The following CMIP variants were observed in gnomAD, a reference collection of about 807,000 sequenced individuals.
CMIP encodes C-Maf-inducing protein.
Under a neutral mutation model 97.3 loss-of-function variants are expected in CMIP, and 13 were observed. The observed-to-expected ratio is 0.13, with a 90% CI of 0.09 to 0.21. The LOEUF (loss-of-function observed/expected upper bound fraction) is 0.21. Ranked by LOEUF, CMIP falls within the 10% of genes least tolerant of loss-of-function variation. The pLI, the probability that CMIP is intolerant of heterozygous loss-of-function variation, is 1.00. For synonymous variants in CMIP, 538 were observed against 436.3 expected (o/e 1.23, Z -2.91); for missense variants, 847 against 1,024.9 (o/e 0.83, Z 2.37).
At chr16:81,507,173 G>C (rs1274408279) in intron 1 of CMIP, among the ~76,000 whole-genome samples, 5 of 151,562 alleles carry the variant, frequency 3.3e-5, no homozygotes, top group Middle Eastern at 3.5e-3. Context: ...GGAGAATGGC[G>C]TGAACCCAGG....
chr16:81,451,840 C>G (rs1301002211), intron 1 of CMIP, among the ~76,000 whole-genome samples: 1 of 152,216 alleles, frequency 6.6e-6, no homozygotes, highest in Non-Finnish European at 1.5e-5. Context: ...AGCCAGGCCA[C>G]CCAGCCCCAT....
intron 1 of CMIP, among the ~76,000 whole-genome samples, chr16:81,545,741 C>T (rs1245673718): frequency 6.6e-6 from 1 of 152,216 alleles, no homozygotes; most frequent in Non-Finnish European, 1.5e-5. Context: ...TGGTGGTTTT[C>T]AAGCTCCAAA....
intron 10 of CMIP, among the ~76,000 whole-genome samples, chr16:81,681,054 G>T (rs1470107079): frequency 6.6e-6 from 1 of 152,190 alleles, no homozygotes; most frequent in Non-Finnish European, 1.5e-5. Flanking sequence ...TGCAGGTGGG[G>T]GTCAGGGCCA....
intron 2 of CMIP, among the ~76,000 whole-genome samples, chr16:81,613,702 A>T (rs774906663): frequency 2.6e-5 from 4 of 152,210 alleles, no homozygotes; most frequent in Non-Finnish European, 5.9e-5. Context: ...AGGGAATCAG[A>T]GCTGAAGAGT....
intron 7 of CMIP, among the ~76,000 whole-genome samples, chr16:81,668,272 TGG>T (rs1236931527): frequency 1.3e-5 from 2 of 152,116 alleles, no homozygotes; most frequent in African/African-American, 4.8e-5. Context: ...GTGCCGCTCC[TGG>T]GTGGCCAGAC....
intron 14 of CMIP, chr16:81,697,204 G>C (rs7186510): frequency 6.1e-6 from 1 of 162,686 alleles, no homozygotes; most frequent in Non-Finnish European, 1.4e-5. Context: ...CACTGTATCC[G>C]GCACTTCATA....
chr16:81,476,472 G>C, intron 1 of CMIP: 3 of 791,208 alleles, frequency 3.8e-6, no homozygotes, highest in Non-Finnish European at 6.7e-6. Context: ...TGCGGCCCAA[G>C]GGCTCGCCGT....
At chr16:81,601,472 T>C (rs1312428618) in intron 1 of CMIP, among the ~76,000 whole-genome samples, 1 of 152,106 alleles carries the variant, frequency 6.6e-6, no homozygotes, top group African/African-American at 2.4e-5. Context: ...TCTGAGGCCA[T>C]ATCTGGTTTG....
At chr16:81,534,855 A>G (rs1257612079) in intron 1 of CMIP, among the ~76,000 whole-genome samples, 1 of 152,172 alleles carries the variant, frequency 6.6e-6, no homozygotes, top group Non-Finnish European at 1.5e-5. Context: ...AATTTTTCAA[A>G]TATGTGCTAA....
At position 81,607,626 on chromosome 16, in the gene CMIP, G is replaced by A; in HGVS notation, c.360G>A (p.Leu120=). The A allele has an allele frequency of 6.2e-7, 1 of 1,614,044 alleles. No individual in the cohort carries two copies. The highest frequency in any genetic ancestry group is 8.5e-7 in the Non-Finnish European group (1 of 1,179,888). The change falls in exon 2 of 21, where the codon CTG becomes CTA. Residue 120 remains leucine (L), a synonymous_variant. Coordinates refer to ENST00000537098, the MANE Select transcript of CMIP (RefSeq NM_198390.3). ...SYSAIEDVQL[L]SWENAPKYCL... is the part of the protein sequence containing the mutation. Reference sequence around the variant, plus strand: ...GCGCAATTGAAGACGTTCAGCTGCTGTCCTGGGAGAATGCCCCGAAGTACT... The same window carrying A: ...GCGCAATTGAAGACGTTCAGCTGCTATCCTGGGAGAATGCCCCGAAGTACT...
chr16:81,560,670 C>T (rs557466032), intron 1 of CMIP, among the ~76,000 whole-genome samples: 1 of 152,328 alleles, frequency 6.6e-6, no homozygotes, highest in East Asian at 1.9e-4. Flanking sequence ...AAGCTCCATT[C>T]ATGGTAAATG....
Position 81,681,561 on chromosome 16 carries a change from G to A in CMIP, c.1388+2933G>A, listed in dbSNP as rs575550667. On this transcript the variant is annotated intron_variant, in intron 10 of 20. Transcript: ENST00000537098. ...CCTGGCGCAGAGCAGACACCTCTGC[G>A]AGGTGAACACCTGGCCAATGGGAGT... Among the ~76,000 whole-genome samples, 83 of 152,356 alleles carry A rather than the reference G, an allele frequency of 5.4e-4. 1 individual carries two copies. The South Asian group carries it at 0.014, about 25-fold the overall frequency.
chr16:81,644,661 A>G (rs1013251489), intron 3 of CMIP, among the ~76,000 whole-genome samples: 1 of 152,200 alleles, frequency 6.6e-6, no homozygotes, highest in African/African-American at 2.4e-5. Context: ...GGAGATAGCA[A>G]ATTATTTCCT....
chr16:81,570,563 A>T (rs1475308198), intron 1 of CMIP, among the ~76,000 whole-genome samples: 2 of 151,884 alleles, frequency 1.3e-5, no homozygotes, highest in Non-Finnish European at 2.9e-5. Context: ...GCCCCACCCT[A>T]CCCCTGTGGG....
At chr16:81,690,776 A>T (rs1026691728) in intron 10 of CMIP, among the ~76,000 whole-genome samples, 5 of 151,956 alleles carry the variant, frequency 3.3e-5, no homozygotes, top group African/African-American at 1.2e-4. Context: ...AATACAAAAA[A>T]TTAGCTGGGC....
chr16:81,574,191 G>C (rs2091148086), intron 1 of CMIP, among the ~76,000 whole-genome samples: 3 of 152,246 alleles, frequency 2.0e-5, no homozygotes, highest in Admixed American at 6.5e-5. Flanking sequence ...TAGTCTGGAG[G>C]GATGCCTGGC....
At chr16:81,637,184 C>G (rs2092248093) in intron 3 of CMIP, among the ~76,000 whole-genome samples, 1 of 152,174 alleles carries the variant, frequency 6.6e-6, no homozygotes, top group South Asian at 2.1e-4. Context: ...ATTTCTCCTG[C>G]CCCAGCCTCC....
At chr16:81,598,211 G>A (rs2091595597) in intron 1 of CMIP, among the ~76,000 whole-genome samples, 4 of 152,008 alleles carry the variant, frequency 2.6e-5, no homozygotes, top group Non-Finnish European at 5.9e-5. Flanking sequence ...CAACAGGAGG[G>A]TATCGCCTAC....
chr16:81,636,222 C>T (rs1010493888), intron 3 of CMIP, among the ~76,000 whole-genome samples: 6 of 152,106 alleles, frequency 3.9e-5, no homozygotes, highest in African/African-American at 1.4e-4. Flanking sequence ...ATCGGATTAT[C>T]CATCTACTAG....
Sources: allele counts gnomAD v4.1 joint callset (sites outside exome capture counted in the v4.1 genomes callset), GRCh38; gene constraint gnomAD v4.1.1; transcripts MANE v1.5; gene names NCBI Gene and HGNC (gene_info 2026-07-23, HGNC 2026-07-21).